ADAMTS18: variants seen among roughly 807,000 people sequenced by gnomAD.
ADAMTS18 encodes the protein ADAM metallopeptidase with thrombospondin type 1 motif 18.
A neutral mutation model predicts 165.9 loss-of-function variants in ADAMTS18; 157 were observed. The ratio of observed to expected loss-of-function variants is 0.95; its 90% CI spans 0.83 to 1.08. The LOEUF is 1.08. Among genes scored for constraint, ADAMTS18 ranks in the 50% least tolerant of loss-of-function variants. The pLI is 0.00. For missense variants in ADAMTS18, 2,040 were observed against 1,534.0 expected (o/e 1.33, Z -5.51); for synonymous variants, 782 against 578.2 (o/e 1.35, Z -5.06).
intron 3 of ADAMTS18, among the ~76,000 whole-genome samples, chr16:77,378,233 G>A (rs1017513355): frequency 6.6e-6 from 1 of 151,968 alleles, no homozygotes; most frequent in Non-Finnish European, 1.5e-5. Flanking sequence ...ATTGAGGTAG[G>A]AGAATTGCAT....
chr16:77,323,677 A>T (rs894803021), intron 13 of ADAMTS18, among the ~76,000 whole-genome samples: 1 of 152,158 alleles, frequency 6.6e-6, no homozygotes, highest in African/African-American at 2.4e-5. Flanking sequence ...CATTTATGAA[A>T]AAGTCTTCCC....
intron 3 of ADAMTS18, among the ~76,000 whole-genome samples, chr16:77,405,167 G>C (rs67088961): frequency 0.14 from 21,985 of 152,156 alleles, 1,664 homozygotes; most frequent in East Asian, 0.22. Flanking sequence ...GAGAGAAAAT[G>C]TGGACTCCTC....
chr16:77,326,176 G>C, intron 12 of ADAMTS18, 138 bp from the exon 13 acceptor site: 2 of 828,282 alleles, frequency 2.4e-6, no homozygotes, highest in East Asian at 2.7e-5. Flanking sequence ...TACAGGAATG[G>C]AAGTACATAG....
chr16:77,321,116 A>C lies in ADAMTS18; in HGVS notation c.2250T>G (p.Phe750Leu), dbSNP rs2055989776. 6.2e-7 allele frequency: 1 copy of C among 1,614,208 alleles called. No homozygotes were observed. The highest frequency in any genetic ancestry group is 8.5e-7 in the Non-Finnish European group (1 of 1,180,030). Residue 750 changes from phenylalanine (F) to leucine (L), a missense_variant, in exon 15 of 23, where the codon TTT becomes TTG. Physicochemically the swap from Phe to Leu is conservative, Grantham distance 22. Coordinates refer to ENST00000282849, the MANE Select transcript of ADAMTS18 (RefSeq NM_199355.4). ...GCTGGTTGAGGTACAGGCCTTTATA[A>C]AACTTGCAAGTTGAATTATCACCTT... ...VCKGDNSTCK[F>L]YKGLYLNQHK...
chr16:77,295,290 C>G (rs1178025954), intron 18 of ADAMTS18, among the ~76,000 whole-genome samples, 163 bp from the exon 19 acceptor site: 2 of 152,222 alleles, frequency 1.3e-5, no homozygotes, highest in East Asian at 3.8e-4. Context: ...GAGGCTTATA[C>G]TAATGTGATT....
At chr16:77,368,496 G>C (rs1483317761) in intron 3 of ADAMTS18, among the ~76,000 whole-genome samples, 1 of 145,706 alleles carries the variant, frequency 6.9e-6, no homozygotes, top group African/African-American at 2.6e-5. Context: ...GAGTACAATA[G>C]CACTATCATG....
intron 3 of ADAMTS18, among the ~76,000 whole-genome samples, chr16:77,425,170 A>C (rs999819168): frequency 6.6e-6 from 1 of 152,222 alleles, no homozygotes. Context: ...TCATAGTCTA[A>C]AAAAGGCCAC....
intron 3 of ADAMTS18, among the ~76,000 whole-genome samples, chr16:77,399,519 G>A (rs982384307): frequency 6.6e-6 from 1 of 152,284 alleles, no homozygotes; most frequent in South Asian, 2.1e-4. Context: ...ACTAAGTGAT[G>A]TCTTTTGTTT....
intron 8 of ADAMTS18, among the ~76,000 whole-genome samples, chr16:77,356,468 G>A (rs991814027): frequency 6.6e-6 from 1 of 152,168 alleles, no homozygotes. Flanking sequence ...AAGAAGTTCA[G>A]AGTCAGTAGG....
chr16:77,341,400 A>T (rs2056395125), intron 11 of ADAMTS18, among the ~76,000 whole-genome samples: 1 of 152,130 alleles, frequency 6.6e-6, no homozygotes, highest in African/African-American at 2.4e-5. Flanking sequence ...AAATACCACA[A>T]GTTTAAAAGG....
intron 3 of ADAMTS18, among the ~76,000 whole-genome samples, chr16:77,410,809 T>C (rs1421331237): frequency 2.0e-5 from 3 of 152,178 alleles, no homozygotes. Context: ...TGAGTACAGG[T>C]AGCTGGGAAC....
At chr16:77,294,728 A>G (rs2055432654) in intron 19 of ADAMTS18, among the ~76,000 whole-genome samples, 195 bp downstream of exon 19, 1 of 152,154 alleles carries the variant, frequency 6.6e-6, no homozygotes. Flanking sequence ...GGAGGATTCT[A>G]AGCTCTGGGA....
intron 18 of ADAMTS18, among the ~76,000 whole-genome samples, chr16:77,295,897 G>A (rs899942412): frequency 6.6e-6 from 1 of 151,902 alleles, no homozygotes; most frequent in Admixed American, 6.6e-5. Context: ...AGGCTGGAGT[G>A]CAATGGCTCG....
intron 3 of ADAMTS18, among the ~76,000 whole-genome samples, chr16:77,415,801 T>C (rs960403989): frequency 6.6e-6 from 1 of 151,856 alleles, no homozygotes; most frequent in Non-Finnish European, 1.5e-5. Context: ...ATTGATGTTT[T>C]TCCCAATGGA....
chr16:77,385,773 C>A (rs2057098484), intron 3 of ADAMTS18, among the ~76,000 whole-genome samples: 1 of 152,126 alleles, frequency 6.6e-6, no homozygotes, highest in African/African-American at 2.4e-5. Flanking sequence ...GGTGGAAGAG[C>A]CAGACATGAC....
Position 77,347,948 on chromosome 16 carries a change from G to A in ADAMTS18, c.1614+5785C>T, listed in dbSNP as rs536921939. On this transcript the variant is annotated intron_variant, in intron 10 of 22. Coordinates refer to ENST00000282849, the MANE Select transcript of ADAMTS18 (RefSeq NM_199355.4). ...TAATAGCACATCCCCCAAAGATATG[G>A]AAGTATTAATATGTATCGTGTGCTT... Among the ~76,000 whole-genome samples the A allele has an allele frequency of 3.5e-4, 54 of 152,178 alleles. No homozygotes were observed. The South Asian group carries it at 0.011, about 31-fold the overall frequency.
At chr16:77,334,178 TAA>T (rs1209615179) in intron 12 of ADAMTS18, among the ~76,000 whole-genome samples, 1 of 87,884 alleles carries the variant, frequency 1.1e-5, no homozygotes, top group Non-Finnish European at 2.0e-5. Flanking sequence ...ATATTATATA[TAA>T]TATATAGTGT....
At chr16:77,354,366 T>A (rs1248571422) in intron 9 of ADAMTS18, among the ~76,000 whole-genome samples, 5 of 152,022 alleles carry the variant, frequency 3.3e-5, no homozygotes. Context: ...GTACTTTAAC[T>A]CACAATAAGC....
At chr16:77,332,940 G>T (rs1033068190) in intron 12 of ADAMTS18, among the ~76,000 whole-genome samples, 1 of 152,160 alleles carries the variant, frequency 6.6e-6, no homozygotes, top group African/African-American at 2.4e-5. Context: ...AAGTCAGGCA[G>T]ATCTGTCAAC....
Sources: allele counts gnomAD v4.1 joint callset (sites outside exome capture counted in the v4.1 genomes callset), GRCh38; gene constraint gnomAD v4.1.1; transcripts MANE v1.5; gene names NCBI Gene and HGNC (gene_info 2026-07-23, HGNC 2026-07-21).